C6orf163: variants seen among roughly 807,000 people sequenced by gnomAD.
C6orf163 encodes the protein uncharacterized protein C6orf163.
In C6orf163, 22 loss-of-function variants were observed where a neutral mutation model predicts 28.4. The observed-to-expected ratio is 0.78, with a 90% CI of 0.55 to 1.11. C6orf163 has a LOEUF of 1.11. Among genes scored for constraint, C6orf163 ranks in the 50% least tolerant of loss-of-function variants. C6orf163 has a pLI of 0.00. For missense variants in C6orf163, 342 were observed against 389.1 expected, an observed-to-expected ratio of 0.88 and a Z score of 1.02; for synonymous variants, 110 against 123.6, an observed-to-expected ratio of 0.89 and a Z score of 0.73.
Position 87,344,907 on chromosome 6 carries a change from AC to A in C6orf163, c.-191del. The A allele has an allele frequency of 4.5e-6, 2 of 440,812 alleles. No homozygotes were observed. Among genetic ancestry groups the A allele is most frequent in the East Asian group, 7.4e-5 (2 of 27,112 alleles). The allele number at this position is 440,812 out of a possible 1,614,324, so 27.3% of individuals were successfully genotyped here. On this transcript the variant is annotated 5_prime_UTR_variant, in exon 1 of 5. The change creates a premature stop within an existing upstream ORF in the 5' untranslated region. Coordinates refer to ENST00000388923, the MANE Select transcript of C6orf163 (RefSeq NM_001010868.3). ...ACCTTCTATGGCAGGGGCTTTTAGC[AC>A]CATTCTTTAACGTTAGACACATAAC...
chr6:87,351,306 C>T (rs183599), intron 3 of C6orf163, among the ~76,000 whole-genome samples: 65,610 of 152,160 alleles, frequency 0.43, 14,501 homozygotes, highest in Non-Finnish European at 0.48. Context: ...GACAGAGGTC[C>T]GGACCCAGGT....
chr6:87,361,728 C>T (rs1024427501), intron 4 of C6orf163, among the ~76,000 whole-genome samples: 1 of 152,194 alleles, frequency 6.6e-6, no homozygotes, highest in Non-Finnish European at 1.5e-5. Context: ...CCTCCATTCT[C>T]CTGTGACCCG....
rs1344570744 is a variant in C6orf163, at chr6:87,353,306, AAG to A, written c.351+2808_351+2809del. On this transcript the variant is annotated intron_variant, in intron 3 of 4. Coordinates refer to ENST00000388923, the MANE Select transcript of C6orf163 (RefSeq NM_001010868.3). ...TTATTGTACATTTAAAAATGACTGAAAGAGTGTAATTGGATTGTTTGTAACAC... is the reference window on the plus strand; with the variant it reads ...TTATTGTACATTTAAAAATGACTGAAAGTGTAATTGGATTGTTTGTAACAC... Among the ~76,000 whole-genome samples the A allele has an allele frequency of 7.2e-5, 11 of 152,294 alleles. No homozygotes were observed. The South Asian group carries it at 8.3e-4, about 11-fold the overall frequency.
chr6:87,358,461 G>A (rs1777537635), intron 4 of C6orf163: 1 of 152,176 alleles, frequency 6.6e-6, no homozygotes, highest in Non-Finnish European at 1.5e-5. Context: ...CAAAAAATTA[G>A]CCAGGCATGG....
rs1777629421 is a variant in C6orf163, at chr6:87,365,287, A to G, written c.881A>G (p.Asn294Ser). Reference protein sequence around the residue: ...ETRMAFQKYINYTFPKLSPGH... With the variant: ...ETRMAFQKYISYTFPKLSPGH... ...AGGATGGCATTTCAAAAATACATCAATTATACCTTTCCTAAGCTTTCACCA... is the reference window on the plus strand; with the variant it reads ...AGGATGGCATTTCAAAAATACATCAGTTATACCTTTCCTAAGCTTTCACCA... Residue 294 changes from asparagine to serine, a missense_variant, in exon 5 of 5, where the codon AAT becomes AGT. Asn to Ser is a conservative substitution (Grantham distance 46). Coordinates refer to ENST00000388923, the MANE Select transcript of C6orf163 (RefSeq NM_001010868.3). 3.2e-6 allele frequency: 5 copies of G among 1,551,654 alleles called. No homozygotes were observed. In the African/African-American group the frequency reaches 4.1e-5, roughly 13 times the overall value.
At chr6:87,353,455 A>G (rs78984413) in intron 3 of C6orf163, among the ~76,000 whole-genome samples, 2 of 150,748 alleles carry the variant, frequency 1.3e-5, no homozygotes, top group African/African-American at 2.4e-5. Flanking sequence ...AAAAAAAAAA[A>G]CAAACACAAT....
At chr6:87,346,470 G>T (rs1777325808) in intron 1 of C6orf163, among the ~76,000 whole-genome samples, 1 of 152,086 alleles carries the variant, frequency 6.6e-6, no homozygotes, top group Non-Finnish European at 1.5e-5. Context: ...ATGCCTTATG[G>T]AATATCTAAC....
chr6:87,352,556 T>G (rs1170095489), intron 3 of C6orf163, among the ~76,000 whole-genome samples: 1 of 152,146 alleles, frequency 6.6e-6, no homozygotes, highest in Non-Finnish European at 1.5e-5. Context: ...GGATAGGTAA[T>G]CTTTTGAAAA....
chr6:87,347,414 A>G, intron 1 of C6orf163: 1 of 985,208 alleles, frequency 1.0e-6, no homozygotes, highest in South Asian at 4.7e-5. Flanking sequence ...GGATAGTGAT[A>G]GCCTACACTT....
intron 4 of C6orf163, among the ~76,000 whole-genome samples, chr6:87,364,409 A>G (rs972222654): frequency 6.6e-6 from 1 of 152,198 alleles, no homozygotes; most frequent in Non-Finnish European, 1.5e-5. Context: ...GTTAATGTCA[A>G]TGCCTATAAC....
chr6:87,355,435 TC>T (rs900194448), intron 3 of C6orf163, among the ~76,000 whole-genome samples: 12 of 152,136 alleles, frequency 7.9e-5, no homozygotes, highest in African/African-American at 2.9e-4. Context: ...GTGGCAAGTG[TC>T]TGTCGTCTCA....
At chr6:87,359,623 G>A (rs1582110235) in intron 4 of C6orf163, among the ~76,000 whole-genome samples, 1 of 152,332 alleles carries the variant, frequency 6.6e-6, no homozygotes, top group East Asian at 1.9e-4. Flanking sequence ...AGGATCAATT[G>A]CTACTATGGA....
At chr6:87,353,090 A>G (rs181313108) in intron 3 of C6orf163, among the ~76,000 whole-genome samples, 1 of 152,332 alleles carries the variant, frequency 6.6e-6, no homozygotes, top group East Asian at 1.9e-4. Flanking sequence ...TGTATTCCAC[A>G]TGCTATGTGA....
chr6:87,347,968 C>G, intron 1 of C6orf163: 1 of 703,598 alleles, frequency 1.4e-6, no homozygotes. Context: ...CCAGCCTGAC[C>G]AACATGGTGA....
At chr6:87,357,026 A>G (rs1276052503) in intron 4 of C6orf163, 1 of 155,084 alleles carries the variant, frequency 6.4e-6, no homozygotes, top group Non-Finnish European at 1.4e-5. Context: ...ATGGAAATAT[A>G]TAGAGCAAAA....
intron 1 of C6orf163, among the ~76,000 whole-genome samples, chr6:87,345,906 G>A (rs1777314352): frequency 1.6e-5 from 1 of 62,960 alleles, no homozygotes; most frequent in Admixed American, 1.9e-4. Context: ...GACAGAGCGA[G>A]ACTCTGCCTC....
intron 4 of C6orf163, 41 bp downstream of exon 4, chr6:87,356,544 A>T: frequency 1.3e-6 from 2 of 1,529,608 alleles, no homozygotes; most frequent in South Asian, 2.4e-5. Flanking sequence ...AACTTCCTTT[A>T]TCAAAATCAA....
At chr6:87,354,848 T>C (rs1562230495) in intron 3 of C6orf163, among the ~76,000 whole-genome samples, 1 of 152,224 alleles carries the variant, frequency 6.6e-6, no homozygotes, top group East Asian at 1.9e-4. Context: ...CAATTTCAGT[T>C]TCCCTTATAA....
chr6:87,363,988 C>CA (rs34961573), intron 4 of C6orf163, among the ~76,000 whole-genome samples: 16,586 of 149,422 alleles, frequency 0.11, 942 homozygotes, highest in East Asian at 0.13. Context: ...AAGAGTTGTG[C>CA]AAAAAAAAAA....
Sources: allele counts gnomAD v4.1 joint callset (sites outside exome capture counted in the v4.1 genomes callset), GRCh38; gene constraint gnomAD v4.1.1; transcripts MANE v1.5; gene names NCBI Gene and HGNC (gene_info 2026-07-23, HGNC 2026-07-21).